The following PITPNC1 variants were observed in gnomAD, a reference collection of about 807,000 sequenced individuals.
PITPNC1 encodes the protein cytoplasmic phosphatidylinositol transfer protein 1.
PITPNC1 carries 18 observed loss-of-function variants against 44.7 expected under a neutral mutation model. The ratio of observed to expected loss-of-function variants is 0.40; its 90% CI spans 0.28 to 0.60. PITPNC1 has a LOEUF of 0.60. PITPNC1 is among the 20% of genes least tolerant of loss of function. The probability of loss-of-function intolerance (pLI) is 0.39; values close to 1 mark genes in which losing one functional copy is unlikely to be tolerated. For synonymous variants in PITPNC1, 141 were observed against 149.6 expected (o/e 0.94, Z 0.42); for missense variants, 290 against 418.4 (o/e 0.69, Z 2.68).
intron 1 of PITPNC1, among the ~76,000 whole-genome samples, chr17:67,516,412 A>C (rs2040258583): frequency 6.6e-6 from 1 of 152,120 alleles, no homozygotes; most frequent in African/African-American, 2.4e-5. Context: ...GGGATTTAAA[A>C]CGCTACCTTC....
At chr17:67,578,384 C>G (rs2041179484) in intron 5 of PITPNC1, 127 bp downstream of exon 5, 4 of 660,536 alleles carry the variant, frequency 6.1e-6, no homozygotes, top group Non-Finnish European at 1.1e-5. Context: ...GATGTTCTGG[C>G]CTTTGGCTTC....
At chr17:67,636,959 A>G (rs2042040355) in intron 6 of PITPNC1, among the ~76,000 whole-genome samples, 1 of 152,100 alleles carries the variant, frequency 6.6e-6, no homozygotes. Context: ...TTCAGCTCAC[A>G]CAGGACTCCC....
chr17:67,488,133 T>C (rs1373149262), intron 1 of PITPNC1, among the ~76,000 whole-genome samples: 1 of 152,216 alleles, frequency 6.6e-6, no homozygotes, highest in Non-Finnish European at 1.5e-5. Context: ...GGTAAGTCCC[T>C]CTTTAAAAAT....
At chr17:67,386,868 G>A (rs1308305487) in intron 1 of PITPNC1, among the ~76,000 whole-genome samples, 2 of 152,232 alleles carry the variant, frequency 1.3e-5, no homozygotes, top group Middle Eastern at 3.4e-3. Flanking sequence ...AAGGTTTTAT[G>A]TATCTTTAAC....
At chr17:67,553,849 G>A (rs1012164287) in intron 4 of PITPNC1, among the ~76,000 whole-genome samples, 1 of 152,142 alleles carries the variant, frequency 6.6e-6, no homozygotes, top group Non-Finnish European at 1.5e-5. Flanking sequence ...GTCACTTTAC[G>A]TAATCAGCCT....
chr17:67,563,273 C>A (rs1229635830), intron 4 of PITPNC1, among the ~76,000 whole-genome samples: 2 of 152,194 alleles, frequency 1.3e-5, no homozygotes, highest in Non-Finnish European at 2.9e-5. Flanking sequence ...AAAGTCAAGT[C>A]TGTATAGAGT....
chr17:67,580,409 G>A lies in PITPNC1; in HGVS notation c.366+2152G>A, dbSNP rs141075321. Among the ~76,000 whole-genome samples, 892 of 152,156 alleles carry A rather than the reference G, an allele frequency of 5.9e-3. 12 individuals carry two copies. The highest frequency in any genetic ancestry group is 0.021 in the African/African-American group (859 of 41,514). On this transcript the variant is annotated intron_variant, in intron 5 of 8. Transcript: ENST00000581322. The stretch of plus-strand genomic sequence containing the variant: ...CACCCAGGCTGGAGTGCAGTAGCAC[G>A]ATCTCAGGTCACTGCAGCCTCCACC...
At chr17:67,582,867 G>A (rs2041253983) in intron 5 of PITPNC1, among the ~76,000 whole-genome samples, 1 of 152,190 alleles carries the variant, frequency 6.6e-6, no homozygotes, top group Non-Finnish European at 1.5e-5. Flanking sequence ...AGCACTGCCT[G>A]GTTCAGCTGA....
chr17:67,433,431 G>C (rs187089835), intron 1 of PITPNC1, among the ~76,000 whole-genome samples: 4 of 152,174 alleles, frequency 2.6e-5, no homozygotes, highest in Non-Finnish European at 4.4e-5. Context: ...AGCCAGCCCC[G>C]GGCAGAAGAT....
intron 5 of PITPNC1, among the ~76,000 whole-genome samples, chr17:67,591,701 T>C (rs1028437773): frequency 6.6e-5 from 10 of 152,242 alleles, no homozygotes; most frequent in African/African-American, 1.9e-4. Context: ...AAGTCACAAT[T>C]ATTTATTGAT....
chr17:67,574,134 A>T (rs1180723606), intron 4 of PITPNC1, among the ~76,000 whole-genome samples: 1 of 152,138 alleles, frequency 6.6e-6, no homozygotes, highest in Non-Finnish European at 1.5e-5. Flanking sequence ...GTGTGATCTC[A>T]TTGATCTTCT....
chr17:67,608,709 G>A (rs1317786294), intron 5 of PITPNC1, among the ~76,000 whole-genome samples: 5 of 112,798 alleles, frequency 4.4e-5, no homozygotes, highest in African/African-American at 1.7e-4. Context: ...TTGCTATGTT[G>A]CCCAGGCTGG....
intron 1 of PITPNC1, among the ~76,000 whole-genome samples, chr17:67,531,740 G>T (rs1232666617): frequency 1.3e-5 from 2 of 152,142 alleles, no homozygotes; most frequent in African/African-American, 4.8e-5. Flanking sequence ...TTAGTTTGTT[G>T]CAGACTCAGG....
chr17:67,536,387 C>T (rs112844016), intron 2 of PITPNC1, among the ~76,000 whole-genome samples: 57 of 152,166 alleles, frequency 3.7e-4, no homozygotes, highest in African/African-American at 7.5e-4. Flanking sequence ...CCACAATGCC[C>T]GACTAATTTT....
chr17:67,522,921 C>T (rs1011918335), intron 1 of PITPNC1, among the ~76,000 whole-genome samples: 2 of 152,108 alleles, frequency 1.3e-5, no homozygotes, highest in Non-Finnish European at 2.9e-5. Flanking sequence ...CCTCCCACCT[C>T]AGCCTCCCAA....
intron 8 of PITPNC1, among the ~76,000 whole-genome samples, chr17:67,680,970 G>A (rs538833752): frequency 8.5e-5 from 13 of 152,128 alleles, no homozygotes; most frequent in Non-Finnish European, 1.5e-4. Context: ...GTTTGTAGAG[G>A]GAAATAAAGT....
intron 1 of PITPNC1, among the ~76,000 whole-genome samples, chr17:67,431,097 C>CGCCCAG (rs2038850431): frequency 7.4e-6 from 1 of 136,002 alleles, no homozygotes; most frequent in Admixed American, 7.9e-5. Context: ...ATTGCTCTGT[C>CGCCCAG]GCCCAGGCCG....
intron 2 of PITPNC1, among the ~76,000 whole-genome samples, chr17:67,539,354 T>C (rs2040572303): frequency 6.6e-6 from 1 of 152,158 alleles, no homozygotes; most frequent in Non-Finnish European, 1.5e-5. Flanking sequence ...CAAGGAGACA[T>C]TTACCAGGAG....
chr17:67,448,461 G>C (rs1008286271), intron 1 of PITPNC1, among the ~76,000 whole-genome samples: 3 of 152,230 alleles, frequency 2.0e-5, no homozygotes, highest in Non-Finnish European at 2.9e-5. Context: ...AGACTTCTTC[G>C]CTGGCATGTA....
Sources: gnomAD v4.1 joint callset for allele counts (sites outside exome capture counted in the v4.1 genomes callset) on GRCh38, gnomAD v4.1.1 for gene constraint, MANE v1.5 for transcripts, NCBI Gene and HGNC (gene_info 2026-07-23, HGNC 2026-07-21) for gene names.